TRAPPC11: variants seen among roughly 807,000 people sequenced by gnomAD.
TRAPPC11 encodes the protein foie gras homolog.
In TRAPPC11, 104 loss-of-function variants were observed where a neutral mutation model predicts 151.2. The ratio of observed to expected loss-of-function variants is 0.69; its 90% CI spans 0.59 to 0.81. The LOEUF (loss-of-function observed/expected upper bound fraction) is 0.81, where lower values mean the gene tolerates loss of function less well. TRAPPC11 is among the 30% of genes least tolerant of loss of function. The probability of loss-of-function intolerance (pLI) is 0.00; values close to 1 mark genes in which losing one functional copy is unlikely to be tolerated. For synonymous variants in TRAPPC11, 456 were observed against 472.3 expected (o/e 0.97, Z 0.45); for missense variants, 1,230 against 1,349.6 (o/e 0.91, Z 1.39).
At chr4:183,679,153 T>A (rs1735551781) in intron 8 of TRAPPC11, among the ~76,000 whole-genome samples, 200 bp from the exon 9 acceptor site, 1 of 152,242 alleles carries the variant, frequency 6.6e-6, no homozygotes, top group Non-Finnish European at 1.5e-5. Flanking sequence ...AGTTATTTTA[T>A]TTCATTTCTA....
intron 29 of TRAPPC11, among the ~76,000 whole-genome samples, chr4:183,708,804 T>G (rs1737206072): frequency 6.6e-6 from 1 of 152,224 alleles, no homozygotes; most frequent in South Asian, 2.1e-4. Context: ...TATAATATCC[T>G]TAAGCATATT....
intron 2 of TRAPPC11, 41 bp from the exon 3 acceptor site, chr4:183,666,216 C>T (rs1050599838): frequency 1.3e-6 from 2 of 1,586,304 alleles, no homozygotes; most frequent in Non-Finnish European, 1.7e-6. Flanking sequence ...GTGGTTTCTG[C>T]TCCTGTCAGG....
Position 183,677,470 on chromosome 4 carries a change from C to A in TRAPPC11, c.747C>A (p.Thr249=). The A allele has an allele frequency of 6.3e-7, 1 of 1,593,502 alleles. No homozygotes were observed. Among genetic ancestry groups the A allele is most frequent in the Non-Finnish European group, 8.6e-7 (1 of 1,163,758 alleles). The change falls in exon 8 of 30, where the codon ACC becomes ACA. Residue 249 remains threonine (T), a synonymous_variant. Transcript: ENST00000334690. ...DTQNALKNYR[T]AYNLVHELRA... is the part of the protein sequence containing the mutation. The stretch of plus-strand genomic sequence containing the variant: ...CCTCCTCATTTAGGAATTATAGGAC[C>A]GCCTATAATCTTGTACACGAATTGA...
chr4:183,703,785 C>T (rs892040160), intron 26 of TRAPPC11, among the ~76,000 whole-genome samples: 1 of 152,222 alleles, frequency 6.6e-6, no homozygotes, highest in Non-Finnish European at 1.5e-5. Context: ...TCCCTGGCAC[C>T]ACCCTTATAG....
chr4:183,672,455 G>T (rs1189295040), intron 5 of TRAPPC11, among the ~76,000 whole-genome samples: 4 of 152,186 alleles, frequency 2.6e-5, no homozygotes, highest in African/African-American at 9.7e-5. Flanking sequence ...TCTGGTAAGA[G>T]AATTGGTCTT....
intron 25 of TRAPPC11, among the ~76,000 whole-genome samples, chr4:183,700,664 G>A (rs986824170): frequency 6.6e-6 from 1 of 152,100 alleles, no homozygotes; most frequent in Non-Finnish European, 1.5e-5. Flanking sequence ...ATAGTGAGGC[G>A]GTATGAGTGC....
At chr4:183,696,698 C>CA (rs1177991524) in intron 23 of TRAPPC11, among the ~76,000 whole-genome samples, 1 of 152,146 alleles carries the variant, frequency 6.6e-6, no homozygotes, top group Non-Finnish European at 1.5e-5. Flanking sequence ...CCCACCCCCC[C>CA]ATTGTTTTTC....
Position 183,679,444 on chromosome 4 carries a change from G to A in TRAPPC11, c.923G>A (p.Ser308Asn). 1 of 1,612,848 alleles carries A rather than the reference G, an allele frequency of 6.2e-7. No homozygotes were observed. The highest frequency in any genetic ancestry group is 8.5e-7 in the Non-Finnish European group (1 of 1,179,436). The change falls in exon 9 of 30, where the codon AGT becomes AAT. Residue 308 changes from serine to asparagine, a missense_variant. Physicochemically the swap from Ser to Asn is conservative, Grantham distance 46 (BLOSUM62 1). Coordinates refer to ENST00000334690, the MANE Select transcript of TRAPPC11 (RefSeq NM_021942.6). ...GACTTGTGTAAGAAAAAGATTGGAA[G>A]TGCAGAGCTGTCTTTTGAGCATGAT... ...HIDLCKKKIG[S>N]AELSFEHDAW...
At chr4:183,681,114 C>G (rs1735665111) in intron 10 of TRAPPC11, among the ~76,000 whole-genome samples, 1 of 151,474 alleles carries the variant, frequency 6.6e-6, no homozygotes, top group African/African-American at 2.4e-5. Flanking sequence ...TTATAAACAC[C>G]TTTAAAATAA....
chr4:183,670,274 C>T (rs1190697915), intron 5 of TRAPPC11, among the ~76,000 whole-genome samples: 5 of 152,186 alleles, frequency 3.3e-5, no homozygotes, highest in Non-Finnish European at 7.3e-5. Flanking sequence ...TTCTGTAATG[C>T]ATTGGGAGTG....
chr4:183,694,067 G>A (rs1307112569), intron 22 of TRAPPC11, 29 bp downstream of exon 22: 1 of 1,607,518 alleles, frequency 6.2e-7, no homozygotes, highest in Non-Finnish European at 8.5e-7. Flanking sequence ...GATTGAAGAG[G>A]AAATCAATTA....
At chr4:183,676,442 G>A (rs1447805920) in intron 7 of TRAPPC11, among the ~76,000 whole-genome samples, 2 of 152,120 alleles carry the variant, frequency 1.3e-5, no homozygotes, top group Admixed American at 1.3e-4. Flanking sequence ...GAGCCACTGC[G>A]CCTGGCCTGT....
intron 1 of TRAPPC11, 75 bp from the exon 2 acceptor site, chr4:183,663,772 C>CAA: frequency 4.3e-6 from 1 of 229,950 alleles, no homozygotes; most frequent in Non-Finnish European, 7.8e-6. Context: ...GAGTTTTGCT[C>CAA]TTGTTGCCCA....
intron 18 of TRAPPC11, among the ~76,000 whole-genome samples, chr4:183,691,113 C>T (rs1011322300): frequency 2.0e-5 from 3 of 152,124 alleles, no homozygotes; most frequent in Non-Finnish European, 4.4e-5. Context: ...TTTCAGAAAA[C>T]AGTTTATGTG....
At chr4:183,667,151 GAATT>G (rs1734925079) in intron 4 of TRAPPC11, 21 bp downstream of exon 4, 1 of 1,576,852 alleles carries the variant, frequency 6.3e-7, no homozygotes, top group Non-Finnish European at 8.7e-7. Flanking sequence ...TCTAATTAAT[GAATT>G]AATTGTTTTA....
intron 1 of TRAPPC11, among the ~76,000 whole-genome samples, chr4:183,662,354 C>CA (rs202105209): frequency 0.2 from 21,869 of 110,014 alleles, 2,349 homozygotes; most frequent in Middle Eastern, 0.27. Flanking sequence ...TACTCCGTCT[C>CA]AAAAAAAAAA....
intron 7 of TRAPPC11, among the ~76,000 whole-genome samples, chr4:183,676,860 G>T (rs2111338006): frequency 6.6e-6 from 1 of 152,272 alleles, no homozygotes; most frequent in East Asian, 1.9e-4. Flanking sequence ...TGCCTCCTGG[G>T]TTCAAGGGAT....
chr4:183,708,374 G>C (rs1364450797), intron 28 of TRAPPC11, 33 bp from the exon 29 acceptor site: 23 of 1,600,664 alleles, frequency 1.4e-5, no homozygotes, highest in Non-Finnish European at 2.0e-5. Flanking sequence ...ATGTGTATTT[G>C]ATTATCTTTC....
At chr4:183,698,657 A>G (rs1353006873) in intron 25 of TRAPPC11, among the ~76,000 whole-genome samples, 1 of 152,252 alleles carries the variant, frequency 6.6e-6, no homozygotes, top group Non-Finnish European at 1.5e-5. Flanking sequence ...TAACAGCTCA[A>G]TAAAAGCTTG....
Sources: gnomAD v4.1 joint callset for allele counts (sites outside exome capture counted in the v4.1 genomes callset) on GRCh38, gnomAD v4.1.1 for gene constraint, MANE v1.5 for transcripts, NCBI Gene and HGNC (gene_info 2026-07-23, HGNC 2026-07-21) for gene names.